EMSY: variants seen among roughly 807,000 people sequenced by gnomAD.
The protein encoded by EMSY is EMSY transcriptional repressor, BRCA2 interacting.
Under a neutral mutation model 134.6 loss-of-function variants are expected in EMSY, and 26 were observed. That is an observed-to-expected ratio of 0.19 (90% confidence interval 0.14 to 0.27). The LOEUF (loss-of-function observed/expected upper bound fraction) is 0.27, where lower values mean the gene tolerates loss of function less well. Ranked by LOEUF, EMSY falls within the 10% of genes least tolerant of loss-of-function variation. The probability of loss-of-function intolerance (pLI) is 1.00; values close to 1 mark genes in which losing one functional copy is unlikely to be tolerated. For missense variants in EMSY, 1,305 were observed against 1,611.4 expected (o/e 0.81, Z 3.26); for synonymous variants, 579 against 577.8 (o/e 1.00, Z -0.03).
intron 14 of EMSY, among the ~76,000 whole-genome samples, chr11:76,529,941 T>A (rs1470307850): frequency 6.6e-6 from 1 of 152,320 alleles, no homozygotes; most frequent in East Asian, 1.9e-4. Flanking sequence ...TGAGCAATAC[T>A]GGCCTTTTTT....
intron 9 of EMSY, among the ~76,000 whole-genome samples, chr11:76,503,110 G>C (rs2135942665): frequency 6.6e-6 from 1 of 152,088 alleles, no homozygotes. Context: ...ACATCAGACT[G>C]GCCAACATGG....
intron 11 of EMSY, among the ~76,000 whole-genome samples, chr11:76,517,840 C>T (rs1950500008): frequency 1.3e-5 from 2 of 151,930 alleles, no homozygotes; most frequent in Admixed American, 6.6e-5. Flanking sequence ...TTTAAACATA[C>T]AGTTTAAACA....
At chr11:76,541,777 T>G (rs1307241512) in intron 17 of EMSY, among the ~76,000 whole-genome samples, 4 of 152,250 alleles carry the variant, frequency 2.6e-5, no homozygotes, top group African/African-American at 9.6e-5. Context: ...ACCAAGAGAT[T>G]AAAGAATGTG....
chr11:76,464,696 A>C (rs888899246), intron 7 of EMSY, among the ~76,000 whole-genome samples: 1 of 152,146 alleles, frequency 6.6e-6, no homozygotes, highest in Non-Finnish European at 1.5e-5. Flanking sequence ...CTCTTTAACC[A>C]TCATTCTGAT....
At position 76,463,945 on chromosome 11, in the gene EMSY, T is replaced by C. The variant is rs145349152; in HGVS notation, c.696T>C (p.Thr232=). 25 of 1,614,216 alleles carry C rather than the reference T, an allele frequency of 1.5e-5. No individual in the cohort carries two copies. The African/African-American group carries it at 3.2e-4, about 21-fold the overall frequency. Residue 232 remains threonine (T), a synonymous_variant, in exon 7 of 21, where the codon ACT becomes ACC. Coordinates refer to ENST00000334736, the Ensembl canonical transcript of EMSY. ...TTGTTCCAGTCTCAAAGACGATCAC[T>C]GTGCCTGTGAGTGGTAGTCCCAAGA...
chr11:76,549,850 A>G (rs1385179086), intron 20 of EMSY, 102 bp from the exon 22 acceptor site: 2 of 1,150,230 alleles, frequency 1.7e-6, no homozygotes, highest in Non-Finnish European at 2.4e-6. Context: ...CAGTTGTCCA[A>G]AAAATGTCAG....
chr11:76,456,754 C>A (rs1947889062), intron 4 of EMSY, among the ~76,000 whole-genome samples: 1 of 152,086 alleles, frequency 6.6e-6, no homozygotes, highest in African/African-American at 2.4e-5. Flanking sequence ...CCACAGTAAC[C>A]CAGCTGGATT....
At chr11:76,489,245 G>A in intron 8 of EMSY, among the ~76,000 whole-genome samples, 1 of 151,814 alleles carries the variant, frequency 6.6e-6, no homozygotes, top group East Asian at 1.9e-4. Context: ...TAGAATAATT[G>A]ACTTTTCATT....
chr11:76,525,426 A>T (rs1198507742), intron 12 of EMSY, among the ~76,000 whole-genome samples: 8 of 152,204 alleles, frequency 5.3e-5, no homozygotes, highest in Admixed American at 5.2e-4. Context: ...CTTTGTTTTT[A>T]CTGGCTGCTA....
At chr11:76,498,513 G>A (rs1949734924) in intron 9 of EMSY, among the ~76,000 whole-genome samples, 1 of 152,062 alleles carries the variant, frequency 6.6e-6, no homozygotes, top group Non-Finnish European at 1.5e-5. Context: ...TATATCTATT[G>A]TTTGATGCAT....
intron 12 of EMSY, among the ~76,000 whole-genome samples, chr11:76,524,572 A>G (rs1001000815): frequency 6.6e-6 from 1 of 152,208 alleles, no homozygotes; most frequent in Non-Finnish European, 1.5e-5. Context: ...ATGGTTTGCA[A>G]TTTCAAAGAA....
chr11:76,525,583 T>C (rs966958596), intron 12 of EMSY, among the ~76,000 whole-genome samples: 2 of 152,206 alleles, frequency 1.3e-5, no homozygotes, highest in Non-Finnish European at 2.9e-5. Context: ...TCACTGTATT[T>C]GAACTTAATT....
At chr11:76,527,457 G>A (rs1361976276) in intron 13 of EMSY, among the ~76,000 whole-genome samples, 1 of 152,048 alleles carries the variant, frequency 6.6e-6, no homozygotes, top group Non-Finnish European at 1.5e-5. Context: ...ACTTAACAGA[G>A]TCTGAGAAAT....
intron 9 of EMSY, among the ~76,000 whole-genome samples, chr11:76,509,419 G>A (rs1208892572): frequency 6.6e-6 from 1 of 152,184 alleles, no homozygotes; most frequent in African/African-American, 2.4e-5. Context: ...CTTGAACCCA[G>A]GAAGTGGAGG....
intron 8 of EMSY, among the ~76,000 whole-genome samples, chr11:76,490,373 C>T (rs1315710321): frequency 1.3e-5 from 2 of 152,188 alleles, no homozygotes; most frequent in South Asian, 2.1e-4. Context: ...ATATGCCCCC[C>T]GACCCCTGTT....
rs777139722 is a variant in EMSY, at chr11:76,453,218, C to G, written c.171-96C>G. The G allele has an allele frequency of 4.6e-4, 502 of 1,081,672 alleles. 1 individual carries two copies. The highest frequency in any genetic ancestry group is 6.5e-4 in the Non-Finnish European group (477 of 736,862). 67.0% of individuals were successfully genotyped at this position (1,081,672 alleles called of 1,614,324 possible). On this transcript the variant is annotated intron_variant, in intron 3 of 20. Transcript: ENST00000334736. ...TCTTTTCACAAAGCAATCTTGTCCC[C>G]CTTCTCCCCCCAAAAATGTTGACTT... is the stretch of plus-strand genomic sequence containing the variant.
chr11:76,541,956 C>G lies in EMSY; in HGVS notation c.2558-260C>G, dbSNP rs565719979. ...GTGATAAGAGTTTTCACAGTGCTTC[C>G]GTATACATTTCTCATCTCATCCTTA... On this transcript the variant is annotated intron_variant, in intron 17 of 20. Coordinates refer to ENST00000334736, the Ensembl canonical transcript of EMSY. 77 of 599,180 alleles carry G rather than the reference C, an allele frequency of 1.3e-4. No homozygotes were observed. The African/African-American group carries it at 1.3e-3, about 10-fold the overall frequency. The allele number at this position is 599,180 out of a possible 1,614,324, so 37.1% of individuals were successfully genotyped here.
At chr11:76,513,805 T>C (rs1309465856) in intron 10 of EMSY, among the ~76,000 whole-genome samples, 1 of 152,192 alleles carries the variant, frequency 6.6e-6, no homozygotes, top group Non-Finnish European at 1.5e-5. Context: ...ATATTGTTCC[T>C]TTTATTGGAC....
At chr11:76,539,531 G>T (rs1450315968) in intron 16 of EMSY, 68 bp from the exon 18 acceptor site, 11 of 1,492,730 alleles carry the variant, frequency 7.4e-6, no homozygotes, top group Non-Finnish European at 7.5e-6. Context: ...ACCTCTGGGG[G>T]TAGACTAGAT....
Sources: allele counts gnomAD v4.1 joint callset (sites outside exome capture counted in the v4.1 genomes callset), GRCh38; gene constraint gnomAD v4.1.1; transcripts MANE v1.5; gene names NCBI Gene and HGNC (gene_info 2026-07-23, HGNC 2026-07-21).